Variants in SLC8A3 observed in about 807,000 individuals in gnomAD.
The protein encoded by SLC8A3 is solute carrier family 8 member A3.
A neutral mutation model predicts 65.4 loss-of-function variants in SLC8A3; 37 were observed. The ratio of observed to expected loss-of-function variants is 0.57; its 90% CI spans 0.44 to 0.74. The LOEUF is 0.74. Among genes scored for constraint, SLC8A3 ranks in the 30% least tolerant of loss-of-function variants. The pLI is 0.00. For missense variants in SLC8A3, 1,112 were observed against 1,172.1 expected (o/e 0.95, Z 0.75); for synonymous variants, 461 against 444.5 (o/e 1.04, Z -0.47).
At chr14:70,089,124 T>G (rs1030182704) in intron 2 of SLC8A3, among the ~76,000 whole-genome samples, 7 of 152,218 alleles carry the variant, frequency 4.6e-5, no homozygotes, top group Non-Finnish European at 1.0e-4. Context: ...TCCTCCAAAC[T>G]TCTTAGCATG....
chr14:70,174,651 G>GTTTT (rs1286502376), intron 1 of SLC8A3, among the ~76,000 whole-genome samples: 2,091 of 90,008 alleles, frequency 0.023, 107 homozygotes, highest in East Asian at 0.066. Context: ...GACCAAATCC[G>GTTTT]TTTTTTTTTT....
At chr14:70,071,237 A>T (rs1889983705) in intron 2 of SLC8A3, among the ~76,000 whole-genome samples, 1 of 152,224 alleles carries the variant, frequency 6.6e-6, no homozygotes, top group Admixed American at 6.5e-5. Context: ...GTTCCCCCAA[A>T]GATGTTCTGC....
At chr14:70,171,485 T>C (rs1897530211) in intron 1 of SLC8A3, among the ~76,000 whole-genome samples, 1 of 152,054 alleles carries the variant, frequency 6.6e-6, no homozygotes, top group Non-Finnish European at 1.5e-5. Flanking sequence ...AGAAAATAAA[T>C]GAACTGAAGG....
intron 2 of SLC8A3, among the ~76,000 whole-genome samples, chr14:70,120,492 C>T (rs1401673057): frequency 6.6e-6 from 1 of 152,152 alleles, no homozygotes; most frequent in East Asian, 1.9e-4. Context: ...CTGTGTCCTC[C>T]CTAGGGGCTC....
rs190887268 is a variant in SLC8A3 at position 70,068,858 on chromosome 14, C to T, written c.1785-7919G>A. ...CTTCCCACCTCAGCCTACCGAGTAG[C>T]TAAGACTACAGGCACCTGCCACCAT... is the stretch of plus-strand genomic sequence containing the variant. On this transcript the variant is annotated intron_variant, in intron 2 of 6. Coordinates refer to ENST00000356921, the MANE Select transcript of SLC8A3 (RefSeq NM_182932.3). Among the ~76,000 whole-genome samples the T allele has an allele frequency of 4.1e-3, 617 of 152,272 alleles. 4 individuals are homozygous for T. Among genetic ancestry groups the T allele is most frequent in the African/African-American group, 0.014 (575 of 41,542 alleles).
intron 2 of SLC8A3, among the ~76,000 whole-genome samples, chr14:70,162,045 A>G (rs574919295): frequency 6.9e-6 from 1 of 145,972 alleles, no homozygotes; most frequent in Non-Finnish European, 1.5e-5. Context: ...TCCGTGGGCT[A>G]TTTTCCTTCC....
intron 2 of SLC8A3, among the ~76,000 whole-genome samples, chr14:70,113,741 G>A (rs1397146767): frequency 6.6e-6 from 1 of 152,202 alleles, no homozygotes; most frequent in Non-Finnish European, 1.5e-5. Flanking sequence ...AACATGCACA[G>A]ATAGAGCCAG....
intron 2 of SLC8A3, among the ~76,000 whole-genome samples, chr14:70,130,107 T>C: frequency 6.6e-6 from 1 of 152,244 alleles, no homozygotes; most frequent in Non-Finnish European, 1.5e-5. Flanking sequence ...CTCTGCTTCG[T>C]CTGTGTCAGA....
At chr14:70,101,784 T>C (rs1463607031) in intron 2 of SLC8A3, among the ~76,000 whole-genome samples, 2 of 152,218 alleles carry the variant, frequency 1.3e-5, no homozygotes, top group East Asian at 3.8e-4. Context: ...AGAAGGGAAA[T>C]GCGTGAAGCA....
chr14:70,048,637 G>A, intron 6 of SLC8A3, 130 bp downstream of exon 6: 1 of 805,728 alleles, frequency 1.2e-6, no homozygotes, highest in Non-Finnish European at 2.1e-6. Flanking sequence ...ATTGACTTTT[G>A]TGCACTTTAA....
At chr14:70,134,167 G>A (rs549286096) in intron 2 of SLC8A3, among the ~76,000 whole-genome samples, 1 of 152,138 alleles carries the variant, frequency 6.6e-6, no homozygotes, top group Non-Finnish European at 1.5e-5. Flanking sequence ...TTTCTGTCCT[G>A]AGCATGTTCT....
At chr14:70,186,749 C>T (rs1171932081) in intron 1 of SLC8A3, among the ~76,000 whole-genome samples, 1 of 152,146 alleles carries the variant, frequency 6.6e-6, no homozygotes, top group Admixed American at 6.5e-5. Flanking sequence ...GACCATCAGC[C>T]ATCCTCCTTT....
At chr14:70,170,085 C>A (rs1233739456) in intron 1 of SLC8A3, among the ~76,000 whole-genome samples, 2 of 152,144 alleles carry the variant, frequency 1.3e-5, no homozygotes, top group East Asian at 3.9e-4. Flanking sequence ...CCTCATATAG[C>A]CACCGTAATC....
At chr14:70,050,550 T>A (rs1887373967) in intron 5 of SLC8A3, among the ~76,000 whole-genome samples, 1 of 151,860 alleles carries the variant, frequency 6.6e-6, no homozygotes, top group Admixed American at 6.6e-5. Flanking sequence ...TCATCCAGAG[T>A]GTTTTGTTGG....
intron 1 of SLC8A3, among the ~76,000 whole-genome samples, chr14:70,174,341 C>A (rs949197726): frequency 6.6e-6 from 1 of 152,184 alleles, no homozygotes; most frequent in African/African-American, 2.4e-5. Context: ...GGTGTGAGAC[C>A]TTGGGAAGTC....
intron 2 of SLC8A3, among the ~76,000 whole-genome samples, chr14:70,080,713 C>T (rs1031590383): frequency 7.9e-5 from 12 of 152,220 alleles, no homozygotes; most frequent in African/African-American, 2.9e-4. Context: ...CAAAGTTGTA[C>T]ACGGGCAGAA....
intron 2 of SLC8A3, among the ~76,000 whole-genome samples, chr14:70,090,421 A>C (rs925847835): frequency 6.6e-6 from 1 of 152,232 alleles, no homozygotes; most frequent in Non-Finnish European, 1.5e-5. Context: ...CACAGATAAA[A>C]GAACGGTGCA....
intron 2 of SLC8A3, among the ~76,000 whole-genome samples, chr14:70,142,907 C>T (rs918797338): frequency 3.3e-5 from 5 of 152,174 alleles, no homozygotes; most frequent in Admixed American, 1.3e-4. Flanking sequence ...GCAAAATTAA[C>T]GCATTGCCTT....
intron 2 of SLC8A3, among the ~76,000 whole-genome samples, chr14:70,091,105 G>A (rs1891775417): frequency 6.6e-6 from 1 of 152,110 alleles, no homozygotes; most frequent in African/African-American, 2.4e-5. Flanking sequence ...TGCACTGCTG[G>A]GCAGCAGCTA....
Sources: allele counts gnomAD v4.1 joint callset (sites outside exome capture counted in the v4.1 genomes callset), GRCh38; gene constraint gnomAD v4.1.1; transcripts MANE v1.5; gene names NCBI Gene and HGNC (gene_info 2026-07-23, HGNC 2026-07-21).